Variants in DLG2 observed in about 807,000 individuals in gnomAD.
The protein encoded by DLG2 is disks large homolog 2.
DLG2 carries 45 observed loss-of-function variants against 132.5 expected under a neutral mutation model. The observed-to-expected ratio is 0.34, with a 90% CI of 0.27 to 0.44. The LOEUF (loss-of-function observed/expected upper bound fraction) is 0.44, where lower values mean the gene tolerates loss of function less well. Ranked by LOEUF, DLG2 falls within the 20% of genes least tolerant of loss-of-function variation. The pLI is 1.00. For synonymous variants in DLG2, 424 were observed against 419.6 expected (o/e 1.01, Z -0.13); for missense variants, 1,045 against 1,196.9 (o/e 0.87, Z 1.87).
chr11:84,584,851 G>C (rs1430314976), intron 6 of DLG2, among the ~76,000 whole-genome samples: 1 of 151,282 alleles, frequency 6.6e-6, no homozygotes, highest in Admixed American at 6.6e-5. Flanking sequence ...ACTACACCCG[G>C]CTAATTTTTT....
chr11:83,759,032 A>C (rs143573793), intron 18 of DLG2, among the ~76,000 whole-genome samples: 1 of 152,226 alleles, frequency 6.6e-6, no homozygotes, highest in African/African-American at 2.4e-5. Context: ...CATTCAATCA[A>C]TGAAGAGATA....
At chr11:83,549,282 G>A (rs576708085) in intron 19 of DLG2, among the ~76,000 whole-genome samples, 18 of 152,242 alleles carry the variant, frequency 1.2e-4, no homozygotes, top group African/African-American at 3.1e-4. Flanking sequence ...AATAGTGCAA[G>A]AAGCATAGAT....
At chr11:84,182,246 G>A (rs1391766484) in intron 8 of DLG2, among the ~76,000 whole-genome samples, 1 of 152,040 alleles carries the variant, frequency 6.6e-6, no homozygotes, top group Non-Finnish European at 1.5e-5. Flanking sequence ...GAAGTACCTG[G>A]AGATTAAACA....
At chr11:84,911,002 T>C (rs2092004964) in intron 6 of DLG2, among the ~76,000 whole-genome samples, 1 of 152,152 alleles carries the variant, frequency 6.6e-6, no homozygotes, top group African/African-American at 2.4e-5. Flanking sequence ...AATTATTATG[T>C]AGAGGAAAGG....
At chr11:84,871,245 G>A (rs1323897711) in intron 6 of DLG2, among the ~76,000 whole-genome samples, 3 of 152,160 alleles carry the variant, frequency 2.0e-5, no homozygotes, top group African/African-American at 7.2e-5. Flanking sequence ...TCCTGCATAA[G>A]GATCTCAGAT....
At chr11:83,513,868 G>T (rs2095170141) in intron 21 of DLG2, among the ~76,000 whole-genome samples, 1 of 152,128 alleles carries the variant, frequency 6.6e-6, no homozygotes, top group Admixed American at 6.5e-5. Context: ...TGAGGGCTCT[G>T]TTCTGTTCCA....
chr11:83,933,143 T>G (rs1165038670), intron 14 of DLG2, among the ~76,000 whole-genome samples: 1 of 152,214 alleles, frequency 6.6e-6, no homozygotes, highest in Non-Finnish European at 1.5e-5. Context: ...ATCACTGAAA[T>G]CTGGGTGGCA....
chr11:84,104,777 A>G (rs2092787553), intron 9 of DLG2, among the ~76,000 whole-genome samples: 1 of 152,054 alleles, frequency 6.6e-6, no homozygotes, highest in East Asian at 1.9e-4. Context: ...TAAGAAGGAG[A>G]TTTTAAAAAA....
At chr11:84,653,742 C>T (rs2099684827) in intron 6 of DLG2, among the ~76,000 whole-genome samples, 1 of 152,104 alleles carries the variant, frequency 6.6e-6, no homozygotes, top group South Asian at 2.1e-4. Flanking sequence ...CAAATATTTC[C>T]ACCTGGGTCT....
chr11:84,628,000 A>G (rs1405526225), intron 6 of DLG2, among the ~76,000 whole-genome samples: 1 of 152,076 alleles, frequency 6.6e-6, no homozygotes, highest in Non-Finnish European at 1.5e-5. Context: ...AGGGACATAT[A>G]TGATCCAAAC....
At chr11:83,958,289 G>C (rs965935253) in intron 14 of DLG2, among the ~76,000 whole-genome samples, 4 of 152,184 alleles carry the variant, frequency 2.6e-5, no homozygotes, top group African/African-American at 9.6e-5. Context: ...TGTTCAGTAA[G>C]TGACAGAGTC....
chr11:85,078,204 T>C (rs1177292167), intron 6 of DLG2, among the ~76,000 whole-genome samples: 1 of 149,474 alleles, frequency 6.7e-6, no homozygotes, highest in Non-Finnish European at 1.5e-5. Context: ...ATATCTAGTA[T>C]GTCAAGTAGT....
intron 7 of DLG2, among the ~76,000 whole-genome samples, chr11:84,272,478 T>C (rs2097737441): frequency 6.6e-6 from 1 of 152,198 alleles, no homozygotes; most frequent in African/African-American, 2.4e-5. Context: ...AATATTCTTC[T>C]TGGTAGTCCT....
chr11:85,354,977 T>C (rs1282459892), intron 3 of DLG2, among the ~76,000 whole-genome samples: 1 of 152,174 alleles, frequency 6.6e-6, no homozygotes, highest in Non-Finnish European at 1.5e-5. Context: ...GTACTTTGGA[T>C]TTTTAGTTTT....
chr11:84,742,579 G>A (rs552647690), intron 6 of DLG2, among the ~76,000 whole-genome samples: 2 of 152,210 alleles, frequency 1.3e-5, no homozygotes, highest in East Asian at 3.9e-4. Context: ...CAAATGCATA[G>A]CATTCCCTAT....
At chr11:84,890,103 A>G (rs1396285625) in intron 6 of DLG2, among the ~76,000 whole-genome samples, 4 of 152,152 alleles carry the variant, frequency 2.6e-5, no homozygotes, top group Non-Finnish European at 5.9e-5. Context: ...AACTTATGAA[A>G]CCCTTTTTAT....
At chr11:85,541,057 CAAAT>C (rs1303206140) in intron 3 of DLG2, among the ~76,000 whole-genome samples, 1 of 152,206 alleles carries the variant, frequency 6.6e-6, no homozygotes, top group African/African-American at 2.4e-5. Flanking sequence ...AAATCTGACT[CAAAT>C]AAATTCTTTA....
At chr11:85,421,771 T>A (rs1010521154) in intron 3 of DLG2, among the ~76,000 whole-genome samples, 1 of 152,148 alleles carries the variant, frequency 6.6e-6, no homozygotes, top group Non-Finnish European at 1.5e-5. Context: ...GTACTTTTGT[T>A]TTCTTGGTCC....
chr11:85,383,496 C>A (rs763847685), intron 3 of DLG2, among the ~76,000 whole-genome samples: 7 of 152,060 alleles, frequency 4.6e-5, no homozygotes, highest in African/African-American at 7.2e-5. Context: ...CTAGTAAGAA[C>A]AAAAATAAGC....
Sources: gnomAD v4.1 joint callset for allele counts (sites outside exome capture counted in the v4.1 genomes callset) on GRCh38, gnomAD v4.1.1 for gene constraint, MANE v1.5 for transcripts, NCBI Gene and HGNC (gene_info 2026-07-23, HGNC 2026-07-21) for gene names.